Variants in TM7SF3 observed in about 807,000 individuals in gnomAD.
TM7SF3 encodes seven span transmembrane protein.
In TM7SF3, 60 loss-of-function variants were observed where a neutral mutation model predicts 65.5. The observed-to-expected ratio is 0.92, with a 90% CI of 0.74 to 1.14. The LOEUF (loss-of-function observed/expected upper bound fraction) is 1.14, where lower values mean the gene tolerates loss of function less well. Ranked by LOEUF, TM7SF3 falls within the 50% of genes most tolerant of loss-of-function variation. TM7SF3 has a pLI of 0.00. For synonymous variants in TM7SF3, 264 were observed against 259.6 expected (o/e 1.02, Z -0.16); for missense variants, 623 against 684.8 (o/e 0.91, Z 1.01).
intron 6 of TM7SF3, among the ~76,000 whole-genome samples, chr12:26,989,853 G>C (rs1252032934): frequency 6.6e-6 from 1 of 152,102 alleles, no homozygotes; most frequent in African/African-American, 2.4e-5. Context: ...GGCACCATTT[G>C]CTCAAAACCT....
intron 6 of TM7SF3, among the ~76,000 whole-genome samples, chr12:26,985,621 CAAAAAAAAAAAAAAAA>C (rs544145636): frequency 0.17 from 10,070 of 58,890 alleles, 687 homozygotes; most frequent in Non-Finnish European, 0.21. Flanking sequence ...GTGAGACTGT[CAAAAAAAAAAAAAAAA>C]AAAAAAAAAA....
chr12:27,006,400 G>C (rs1012178659), intron 1 of TM7SF3, among the ~76,000 whole-genome samples: 1 of 151,750 alleles, frequency 6.6e-6, no homozygotes, highest in African/African-American at 2.4e-5. Flanking sequence ...GCCTCCCAAA[G>C]TGTTGGGATT....
chr12:26,991,193 C>T (rs564580132), intron 5 of TM7SF3, among the ~76,000 whole-genome samples: 2 of 147,576 alleles, frequency 1.4e-5, no homozygotes, highest in African/African-American at 2.5e-5. Context: ...TCGCCCAGGC[C>T]GGACTGCGGA....
At position 26,995,041 on chromosome 12, in the gene TM7SF3, G is replaced by A. The variant is rs1940531919; in HGVS notation, c.690+196C>T. 2.0e-5 allele frequency among the ~76,000 whole-genome samples: 3 copies of A among 152,152 alleles called. No homozygotes were observed. The South Asian group carries it at 6.2e-4, about 32-fold the overall frequency. On this transcript the variant is annotated intron_variant, in intron 5 of 11. Coordinates refer to ENST00000343028, the MANE Select transcript of TM7SF3 (RefSeq NM_016551.3). ...AACTAAAACGTAACATAATTTACAT[G>A]CATCTCCTCAAAGGCCAACATCATT...
chr12:27,012,657 A>G, intron 1 of TM7SF3: 13 of 456,020 alleles, frequency 2.9e-5, no homozygotes, highest in South Asian at 2.0e-4. Flanking sequence ...CAAGCACAAG[A>G]CTTACAATCT....
chr12:26,995,155 A>G, intron 5 of TM7SF3, 82 bp downstream of exon 5: 1 of 1,381,890 alleles, frequency 7.2e-7, no homozygotes, highest in African/African-American at 1.4e-5. Context: ...GTAAAGAAAT[A>G]AGATCCTGGT....
chr12:26,995,992 C>A (rs1379528404), intron 4 of TM7SF3, among the ~76,000 whole-genome samples: 1 of 152,020 alleles, frequency 6.6e-6, no homozygotes, highest in East Asian at 1.9e-4. Context: ...GAGTAAAATA[C>A]TACAGCTCTG....
chr12:27,008,011 T>G (rs1941103096), intron 1 of TM7SF3, among the ~76,000 whole-genome samples: 1 of 152,186 alleles, frequency 6.6e-6, no homozygotes, highest in African/African-American at 2.4e-5. Context: ...TATAAATAAC[T>G]CTAAACATTT....
In TM7SF3 at chr12:26,995,286, T is replaced by C. The variant is rs747806700; in HGVS notation, c.641A>G (p.His214Arg). 1 of 1,614,194 alleles carries C rather than the reference T, an allele frequency of 6.2e-7. No individual in the cohort carries two copies. Among genetic ancestry groups the C allele is most frequent in the Non-Finnish European group, 8.5e-7 (1 of 1,180,034 alleles). Residue 214 changes from histidine to arginine, a missense_variant, in exon 5 of 12, where the codon CAT becomes CGT. Coordinates refer to ENST00000343028, the MANE Select transcript of TM7SF3 (RefSeq NM_016551.3). ...GGGCACACTGACCATCCTCTGCAGATGCTTCAGCAACATCTCCTCAGTGAG... is the reference window on the plus strand; with the variant it reads ...GGGCACACTGACCATCCTCTGCAGACGCTTCAGCAACATCTCCTCAGTGAG... ...NDLTEEMLLK[H>R]LQRMVSVPQV...
At chr12:26,986,123 C>A (rs113957374) in intron 6 of TM7SF3, among the ~76,000 whole-genome samples, 76 of 151,952 alleles carry the variant, frequency 5.0e-4, no homozygotes, top group African/African-American at 1.7e-3. Context: ...CCACCGCACC[C>A]GGCCTGCTTG....
chr12:26,994,408 A>G (rs1453119293), intron 5 of TM7SF3, among the ~76,000 whole-genome samples: 1 of 152,192 alleles, frequency 6.6e-6, no homozygotes, highest in African/African-American at 2.4e-5. Context: ...GTGCAACAGC[A>G]CCATCTGGGC....
At chr12:26,978,122 C>A in intron 9 of TM7SF3, 1 of 438,800 alleles carries the variant, frequency 2.3e-6, no homozygotes, top group South Asian at 1.6e-5. Flanking sequence ...GGGTTTGCAC[C>A]CACTAGCATT....
intron 11 of TM7SF3, 33 bp downstream of exon 11, chr12:26,975,463 T>G: frequency 6.2e-7 from 1 of 1,612,872 alleles, no homozygotes; most frequent in Non-Finnish European, 8.5e-7. Context: ...CCTACTGTGC[T>G]GTCACACTGG....
At chr12:26,980,059 T>C in intron 8 of TM7SF3, 123 bp from the exon 9 acceptor site, 6 of 1,161,526 alleles carry the variant, frequency 5.2e-6, no homozygotes, top group Non-Finnish European at 7.3e-6. Flanking sequence ...CTGAGGGCTC[T>C]TCAGTGGTGC....
intron 6 of TM7SF3, among the ~76,000 whole-genome samples, chr12:26,988,853 A>G (rs991483517): frequency 2.6e-5 from 4 of 152,010 alleles, no homozygotes; most frequent in African/African-American, 9.7e-5. Flanking sequence ...GCCACCCCTG[A>G]GACAGCAACA....
intron 8 of TM7SF3, 170 bp from the exon 9 acceptor site, chr12:26,980,106 G>T: frequency 1.4e-6 from 1 of 734,478 alleles, no homozygotes; most frequent in Non-Finnish European, 2.2e-6. Context: ...TCTAGGGAGG[G>T]GTCTGGGCTG....
intron 2 of TM7SF3, among the ~76,000 whole-genome samples, chr12:27,001,149 G>T (rs1247194259): frequency 5.0e-4 from 76 of 152,116 alleles, no homozygotes; most frequent in Non-Finnish European, 7.4e-5. Context: ...AAGGGCACAG[G>T]AAACAGAAGC....
chr12:26,995,312 G>A lies in TM7SF3; in HGVS notation c.615C>T (p.Asp205=), dbSNP rs1013223021. 1 of 1,614,132 alleles carries A rather than the reference G, an allele frequency of 6.2e-7. No individual in the cohort carries two copies. Among genetic ancestry groups the A allele is most frequent in the African/African-American group, 1.3e-5 (1 of 75,032 alleles). The stretch of plus-strand genomic sequence containing the variant: ...GCTTCAGCAACATCTCCTCAGTGAG[G>A]TCATTCTCAGGCAGAAAATACTGAT... ...DVYQYFLPEN[D]LTEEMLLKHL... The change falls in exon 5 of 12, where the codon GAC becomes GAT. Residue 205 remains aspartate (D), a synonymous_variant. Coordinates refer to ENST00000343028, the MANE Select transcript of TM7SF3 (RefSeq NM_016551.3).
rs750759971 is a variant in TM7SF3, at chr12:26,999,536, G to A, written c.387C>T (p.Tyr129=). ...AGACAGAAGGGTTACCTCTTTCTGA[G>A]TAGGAGAGTAGGATAGCCATATTCT... ...PVQNMAILLS[Y]SERDPVPGGC... The change falls in exon 3 of 12, where the codon TAC becomes TAT. Residue 129 remains tyrosine (Y), a synonymous_variant. Coordinates refer to ENST00000343028, the MANE Select transcript of TM7SF3 (RefSeq NM_016551.3). 6.2e-6 allele frequency: 10 copies of A among 1,613,990 alleles called. No individual in the cohort carries two copies. The highest frequency in any genetic ancestry group is 8.5e-6 in the Non-Finnish European group (10 of 1,179,984).
Sources: gnomAD v4.1 joint callset for allele counts (sites outside exome capture counted in the v4.1 genomes callset) on GRCh38, gnomAD v4.1.1 for gene constraint, MANE v1.5 for transcripts, NCBI Gene and HGNC (gene_info 2026-07-23, HGNC 2026-07-21) for gene names.